The following ULK4 variants were observed in gnomAD, a reference collection of about 807,000 sequenced individuals.
The protein encoded by ULK4 is inactive serine/threonine-protein kinase ULK4.
A neutral mutation model predicts 160.6 loss-of-function variants in ULK4; 133 were observed. That is an observed-to-expected ratio of 0.83 (90% CI 0.72 to 0.96). The LOEUF (loss-of-function observed/expected upper bound fraction) is 0.96, where lower values mean the gene tolerates loss of function less well. Among genes scored for constraint, ULK4 ranks in the 40% least tolerant of loss-of-function variants. The pLI is 0.00. For synonymous variants in ULK4, 534 were observed against 539.8 expected (o/e 0.99, Z 0.15); for missense variants, 1,580 against 1,499.5 (o/e 1.05, Z -0.89).
chr3:41,773,453 A>G (rs898432563), intron 21 of ULK4, among the ~76,000 whole-genome samples: 6 of 152,220 alleles, frequency 3.9e-5, no homozygotes, highest in East Asian at 3.8e-4. Context: ...CCAAATCATG[A>G]GTGAACTCCC....
chr3:41,624,813 GT>G (rs1018819896), intron 30 of ULK4, among the ~76,000 whole-genome samples: 1 of 151,616 alleles, frequency 6.6e-6, no homozygotes, highest in Admixed American at 6.6e-5. Flanking sequence ...CATATGCTGC[GT>G]TTTTTTCTAT....
chr3:41,425,081 C>A (rs939741072), intron 34 of ULK4, among the ~76,000 whole-genome samples: 2 of 151,936 alleles, frequency 1.3e-5, no homozygotes, highest in African/African-American at 2.4e-5. Flanking sequence ...ACCAGAAAAA[C>A]CAGCTTACAG....
At position 41,585,188 on chromosome 3, in the gene ULK4, C is replaced by G. The variant is rs371563535; in HGVS notation, c.3121-19058G>C. ...AAATCCTAAAATTCATATGAATTCT[C>G]AAAAGACCTAAAAAAGCCAAAAAAT... On this transcript the variant is annotated intron_variant, in intron 31 of 36. Transcript: ENST00000301831. Among the ~76,000 whole-genome samples the G allele has an allele frequency of 3.9e-5, 6 of 152,050 alleles. No homozygotes were observed. In the East Asian group the frequency reaches 5.8e-4, roughly 15 times the overall value.
intron 30 of ULK4, 152 bp downstream of exon 30, chr3:41,663,455 C>A: frequency 1.5e-6 from 1 of 653,254 alleles, no homozygotes; most frequent in Admixed American, 2.8e-5. Flanking sequence ...GCATAAATGA[C>A]AGATATTACA....
At chr3:41,374,995 AG>A (rs1185547073) in intron 35 of ULK4, among the ~76,000 whole-genome samples, 5,064 of 149,866 alleles carry the variant, frequency 0.034, 232 homozygotes, top group East Asian at 0.19. Flanking sequence ...CACCAGTAAC[AG>A]ACAGAGAGCC....
intron 35 of ULK4, among the ~76,000 whole-genome samples, chr3:41,366,174 C>G (rs1438710280): frequency 6.6e-6 from 1 of 152,140 alleles, no homozygotes; most frequent in Non-Finnish European, 1.5e-5. Context: ...CAGCCCTGGG[C>G]AACACAGAAG....
intron 34 of ULK4, among the ~76,000 whole-genome samples, chr3:41,418,267 A>G (rs1287005369): frequency 6.6e-6 from 1 of 150,718 alleles, no homozygotes; most frequent in Non-Finnish European, 1.5e-5. Flanking sequence ...CTGATAACAT[A>G]AACAGTCAAT....
intron 32 of ULK4, among the ~76,000 whole-genome samples, chr3:41,531,524 GAAAAA>G (rs60703381): frequency 7.1e-6 from 1 of 140,834 alleles, no homozygotes; most frequent in Non-Finnish European, 1.5e-5. Flanking sequence ...AAAAGAAAAA[GAAAAA>G]AAAAAGAAAT....
intron 35 of ULK4, among the ~76,000 whole-genome samples, chr3:41,387,162 A>G (rs1409983116): frequency 6.6e-6 from 1 of 152,154 alleles, no homozygotes; most frequent in Admixed American, 6.6e-5. Flanking sequence ...CGATACATAT[A>G]ATGTATAGTG....
intron 35 of ULK4, among the ~76,000 whole-genome samples, chr3:41,255,383 C>T (rs1009573288): frequency 4.0e-5 from 6 of 151,858 alleles, no homozygotes; most frequent in African/African-American, 1.2e-4. Context: ...CTTGGGAGGC[C>T]GAGGCAGGAG....
intron 29 of ULK4, among the ~76,000 whole-genome samples, chr3:41,676,408 G>C (rs1310171134): frequency 6.6e-6 from 1 of 152,136 alleles, no homozygotes; most frequent in Non-Finnish European, 1.5e-5. Flanking sequence ...ACAGTGTTGA[G>C]AAACCCTGAG....
intron 32 of ULK4, among the ~76,000 whole-genome samples, chr3:41,507,908 C>T (rs777392461): frequency 2.0e-5 from 3 of 152,282 alleles, no homozygotes; most frequent in Admixed American, 2.0e-4. Flanking sequence ...ACTACCACAG[C>T]AACATACCAG....
At chr3:41,570,542 C>T (rs1429572682) in intron 31 of ULK4, among the ~76,000 whole-genome samples, 1 of 152,100 alleles carries the variant, frequency 6.6e-6, no homozygotes, top group Non-Finnish European at 1.5e-5. Context: ...GGTAAAATGA[C>T]ACATACTGCT....
chr3:41,579,632 T>C (rs1184027749), intron 31 of ULK4, among the ~76,000 whole-genome samples: 1 of 151,656 alleles, frequency 6.6e-6, no homozygotes, highest in Admixed American at 6.6e-5. Flanking sequence ...TAGCTGGGAC[T>C]ACAGGCGCGC....
chr3:41,561,631 T>G (rs2087573499), intron 32 of ULK4, among the ~76,000 whole-genome samples: 1 of 152,202 alleles, frequency 6.6e-6, no homozygotes. Flanking sequence ...TCTTCTAGAT[T>G]TTCTAGTTTA....
In ULK4 at chr3:41,658,733, A is replaced by ACACACACACACACTCT. The variant is rs1553628717; in HGVS notation, c.3071+4873_3071+4874insAGAGTGTGTGTGTGTG. 1.3e-3 allele frequency among the ~76,000 whole-genome samples: 177 copies of ACACACACACACACTCT among 131,650 alleles called. 1 individual carries two copies. Among genetic ancestry groups the ACACACACACACACTCT allele is most frequent in the African/African-American group, 4.7e-3 (169 of 35,856 alleles). 86.4% of individuals were successfully genotyped at this position (131,650 alleles called of 152,430 possible). The stretch of plus-strand genomic sequence containing the variant: ...ACTGTGTATGTGAAAAACAGTACAC[A>ACACACACACACACTCT]CACACACACACACACACACACACAC... On this transcript the variant is annotated intron_variant, in intron 30 of 36. Coordinates refer to ENST00000301831, the MANE Select transcript of ULK4 (RefSeq NM_017886.4).
chr3:41,802,833 G>A (rs1414705563), intron 19 of ULK4, among the ~76,000 whole-genome samples: 1 of 152,068 alleles, frequency 6.6e-6, no homozygotes, highest in Non-Finnish European at 1.5e-5. Context: ...TTACTTGCAG[G>A]TCAACTGTGA....
At chr3:41,628,905 T>C (rs1419306792) in intron 30 of ULK4, among the ~76,000 whole-genome samples, 1 of 152,230 alleles carries the variant, frequency 6.6e-6, no homozygotes, top group South Asian at 2.1e-4. Context: ...TCTGATTTAT[T>C]TGACTCTTCT....
chr3:41,794,683 A>C (rs1456860704), intron 20 of ULK4, among the ~76,000 whole-genome samples: 8,620 of 126,728 alleles, frequency 0.068, 722 homozygotes, highest in Middle Eastern at 0.15. Context: ...AAAAAAAAAA[A>C]AAACACAGAA....
Sources: allele counts gnomAD v4.1 joint callset (sites outside exome capture counted in the v4.1 genomes callset), GRCh38; gene constraint gnomAD v4.1.1; transcripts MANE v1.5; gene names NCBI Gene and HGNC (gene_info 2026-07-23, HGNC 2026-07-21).